LRRC8D: variants seen among roughly 807,000 people sequenced by gnomAD.
LRRC8D encodes leucine rich repeat containing 8 VRAC subunit D, also known as volume-regulated anion channel subunit LRRC8D.
A neutral mutation model predicts 55.8 loss-of-function variants in LRRC8D; 20 were observed. That is an observed-to-expected ratio of 0.36 (90% CI 0.25 to 0.52). The LOEUF (loss-of-function observed/expected upper bound fraction) is 0.52, where lower values mean the gene tolerates loss of function less well. Ranked by LOEUF, LRRC8D falls within the 20% of genes least tolerant of loss-of-function variation. The probability of loss-of-function intolerance (pLI) is 0.93; values close to 1 mark genes in which losing one functional copy is unlikely to be tolerated. For synonymous variants in LRRC8D, 352 were observed against 377.0 expected, an observed-to-expected ratio of 0.93 and a Z score of 0.77; for missense variants, 651 against 1,030.8, an observed-to-expected ratio of 0.63 and a Z score of 5.05.
At chr1:89,842,247 T>C (rs1661154842) in intron 1 of LRRC8D, among the ~76,000 whole-genome samples, 1 of 151,006 alleles carries the variant, frequency 6.6e-6, no homozygotes. Context: ...TTGTGATCAT[T>C]GTAGGAATTC....
intron 2 of LRRC8D, among the ~76,000 whole-genome samples, chr1:89,915,189 CA>C (rs1304653972): frequency 6.6e-6 from 1 of 152,076 alleles, no homozygotes; most frequent in African/African-American, 2.4e-5. Context: ...ACTTTGTTGC[CA>C]ACTACAAATC....
chr1:89,848,233 T>C (rs1661328234), intron 2 of LRRC8D, among the ~76,000 whole-genome samples: 1 of 152,214 alleles, frequency 6.6e-6, no homozygotes, highest in African/African-American at 2.4e-5. Flanking sequence ...CTTCTGCGAA[T>C]ATGCCTTCCC....
chr1:89,854,725 A>G (rs1013968526), intron 2 of LRRC8D, among the ~76,000 whole-genome samples: 1 of 152,180 alleles, frequency 6.6e-6, no homozygotes, highest in African/African-American at 2.4e-5. Flanking sequence ...GACTCCCATC[A>G]CTTATCATTT....
At chr1:89,888,387 G>A (rs1298216044) in intron 2 of LRRC8D, among the ~76,000 whole-genome samples, 1 of 152,246 alleles carries the variant, frequency 6.6e-6, no homozygotes, top group Non-Finnish European at 1.5e-5. Context: ...TAAGCAAGGA[G>A]GGAAATGATC....
intron 2 of LRRC8D, among the ~76,000 whole-genome samples, chr1:89,907,848 C>A (rs1663033821): frequency 6.6e-6 from 1 of 152,114 alleles, no homozygotes; most frequent in African/African-American, 2.4e-5. Flanking sequence ...GAGATTGAAC[C>A]AGGTCTAATT....
intron 2 of LRRC8D, among the ~76,000 whole-genome samples, chr1:89,900,978 C>T (rs1173900104): frequency 1.3e-5 from 2 of 152,184 alleles, no homozygotes; most frequent in Non-Finnish European, 2.9e-5. Flanking sequence ...GTGCTGTAGG[C>T]TTTCCTGCCA....
intron 1 of LRRC8D, among the ~76,000 whole-genome samples, chr1:89,841,365 A>G (rs1204936257): frequency 1.3e-5 from 2 of 150,568 alleles, no homozygotes; most frequent in Non-Finnish European, 2.9e-5. Context: ...GGTGTAGTTC[A>G]TCGTCTGGAG....
In LRRC8D at chr1:89,844,884, G is replaced by A. The variant is rs191382215; in HGVS notation, c.-3+1102G>A. Among the ~76,000 whole-genome samples, 5 of 152,244 alleles carry A rather than the reference G, an allele frequency of 3.3e-5. No individual in the cohort carries two copies. The East Asian group carries it at 9.6e-4, about 29-fold the overall frequency. ...ATCAGTTTGATGGGATCATTATATGGCCTCAAATTAAATGTTTGAGCCCTG... is the reference window on the plus strand; with the variant it reads ...ATCAGTTTGATGGGATCATTATATGACCTCAAATTAAATGTTTGAGCCCTG... On this transcript the variant is annotated intron_variant, in intron 2 of 2. Transcript: ENST00000337338.
intron 2 of LRRC8D, among the ~76,000 whole-genome samples, chr1:89,908,066 C>A (rs17446039): frequency 0.083 from 12,564 of 152,234 alleles, 710 homozygotes; most frequent in Non-Finnish European, 0.13. Context: ...CATTATGTTC[C>A]TCTACACTAG....
intron 2 of LRRC8D, among the ~76,000 whole-genome samples, chr1:89,901,096 G>A (rs959040378): frequency 6.6e-6 from 1 of 152,166 alleles, no homozygotes; most frequent in African/African-American, 2.4e-5. Context: ...AGACCAAATG[G>A]CTTCATCAAA....
intron 2 of LRRC8D, among the ~76,000 whole-genome samples, chr1:89,931,780 A>T (rs994354727): frequency 6.6e-6 from 1 of 151,998 alleles, no homozygotes; most frequent in Non-Finnish European, 1.5e-5. Context: ...AATAAATAAA[A>T]ATATTAAAAA....
intron 2 of LRRC8D, among the ~76,000 whole-genome samples, chr1:89,882,461 G>T (rs1159054639): frequency 6.6e-6 from 1 of 152,192 alleles, no homozygotes; most frequent in African/African-American, 2.4e-5. Flanking sequence ...TACTCTGTGA[G>T]ATACACTGCA....
chr1:89,903,463 G>C (rs551814703), intron 2 of LRRC8D, among the ~76,000 whole-genome samples: 1 of 152,254 alleles, frequency 6.6e-6, no homozygotes, highest in South Asian at 2.1e-4. Context: ...TGCTGTGGCT[G>C]CCTTTTCAAT....
At chr1:89,863,626 T>C (rs774739929) in intron 2 of LRRC8D, among the ~76,000 whole-genome samples, 4 of 151,744 alleles carry the variant, frequency 2.6e-5, no homozygotes, top group African/African-American at 4.9e-5. Context: ...GACATGAATT[T>C]CCTTTCATGT....
At chr1:89,896,440 TC>T (rs1217833724) in intron 2 of LRRC8D, among the ~76,000 whole-genome samples, 1 of 152,152 alleles carries the variant, frequency 6.6e-6, no homozygotes, top group Non-Finnish European at 1.5e-5. Context: ...AATGCAGATT[TC>T]TGACTCCCAG....
intron 2 of LRRC8D, among the ~76,000 whole-genome samples, chr1:89,870,171 G>C (rs1170757310): frequency 6.6e-6 from 1 of 151,050 alleles, no homozygotes; most frequent in Non-Finnish European, 1.5e-5. Context: ...CTGCCTTTTA[G>C]TTTTTCTAAA....
intron 2 of LRRC8D, among the ~76,000 whole-genome samples, chr1:89,887,098 C>T (rs1298942396): frequency 6.6e-6 from 1 of 152,018 alleles, no homozygotes; most frequent in African/African-American, 2.4e-5. Flanking sequence ...TTAAATATGA[C>T]TTGTTGAATA....
At chr1:89,842,036 C>A (rs1222523243) in intron 1 of LRRC8D, among the ~76,000 whole-genome samples, 5 of 151,796 alleles carry the variant, frequency 3.3e-5, no homozygotes, top group Non-Finnish European at 7.4e-5. Context: ...CATTGTGAAA[C>A]CTCATCTGTA....
intron 1 of LRRC8D, 141 bp from the exon 2 acceptor site, chr1:89,843,497 G>C (rs1372192914): frequency 5.8e-6 from 3 of 518,128 alleles, no homozygotes; most frequent in Non-Finnish European, 1.1e-5. Context: ...GCCACGGCCA[G>C]GGGAGCGCTG....
Sources: allele counts gnomAD v4.1 joint callset (sites outside exome capture counted in the v4.1 genomes callset), GRCh38; gene constraint gnomAD v4.1.1; transcripts MANE v1.5; gene names NCBI Gene and HGNC (gene_info 2026-07-23, HGNC 2026-07-21).